Variants in PPP1CB observed in about 807,000 individuals in gnomAD.
PPP1CB encodes protein phosphatase 1 catalytic subunit beta.
A neutral mutation model predicts 43.7 loss-of-function variants in PPP1CB; 2 were observed. The ratio of observed to expected loss-of-function variants is 0.05; its 90% CI spans 0.02 to 0.14. The LOEUF (loss-of-function observed/expected upper bound fraction) is 0.14. PPP1CB is among the 10% of genes least tolerant of loss of function. The pLI is 1.00. For synonymous variants in PPP1CB, 136 were observed against 135.6 expected, an observed-to-expected ratio of 1.00 and a Z score of -0.02; for missense variants, 84 against 398.0, an observed-to-expected ratio of 0.21 and a Z score of 6.71.
At chr2:28,781,349 AAAC>A (rs1667154840) in intron 3 of PPP1CB, among the ~76,000 whole-genome samples, 1 of 152,166 alleles carries the variant, frequency 6.6e-6, no homozygotes, top group African/African-American at 2.4e-5. Context: ...TTTTGGGAGA[AAAC>A]AACACTTAAA....
chr2:28,766,814 G>C (rs998180704), intron 1 of PPP1CB, among the ~76,000 whole-genome samples: 1 of 152,174 alleles, frequency 6.6e-6, no homozygotes, highest in African/African-American at 2.4e-5. Context: ...TGGGGTGGTG[G>C]CTCACGCCTG....
At position 28,802,288 on chromosome 2, in the gene PPP1CB, A is replaced by G. The variant is rs1667635597; in HGVS notation, c.*2985A>G. On this transcript the variant is annotated 3_prime_UTR_variant, in exon 8 of 8. Coordinates refer to ENST00000395366, the MANE Select transcript of PPP1CB (RefSeq NM_002709.3). ...GTATATTCTTTTTGTCTCCATGGCA[A>G]CCATAACTTTTGAACCAAAAAAAAT... 1 of 152,256 alleles carries G rather than the reference A, an allele frequency of 6.6e-6. No individual in the cohort carries two copies. Among genetic ancestry groups the G allele is most frequent in the African/African-American group, 2.4e-5 (1 of 41,474 alleles). The allele number at this position is 152,256 out of a possible 1,614,324, so 9.4% of individuals were successfully genotyped here. A position where few individuals can be genotyped will look rare whatever the true frequency, so the allele number is the denominator to read the frequency against.
chr2:28,784,711 G>A (rs1667222926), intron 5 of PPP1CB, among the ~76,000 whole-genome samples: 1 of 151,878 alleles, frequency 6.6e-6, no homozygotes, highest in South Asian at 2.1e-4. Context: ...TTGAGGTCGG[G>A]AGTTCCAGAC....
intron 6 of PPP1CB, among the ~76,000 whole-genome samples, chr2:28,791,084 A>C (rs1396309538): frequency 6.6e-6 from 1 of 152,178 alleles, no homozygotes; most frequent in African/African-American, 2.4e-5. Context: ...TAAATTAATA[A>C]AAGCGTATTT....
intron 1 of PPP1CB, among the ~76,000 whole-genome samples, chr2:28,754,956 C>T (rs918682154): frequency 1.3e-5 from 2 of 152,146 alleles, no homozygotes; most frequent in African/African-American, 4.8e-5. Flanking sequence ...TGTATTAAAT[C>T]GCAGATCAGC....
At chr2:28,791,582 C>A (rs1667386346) in intron 6 of PPP1CB, among the ~76,000 whole-genome samples, 4 of 152,164 alleles carry the variant, frequency 2.6e-5, no homozygotes, top group Admixed American at 2.6e-4. Flanking sequence ...CCCGCCTCGG[C>A]CTCCCAAAGT....
chr2:28,771,992 A>G (rs1323417084), intron 1 of PPP1CB, among the ~76,000 whole-genome samples: 1 of 149,816 alleles, frequency 6.7e-6, no homozygotes, highest in African/African-American at 2.5e-5. Context: ...AAAAAAAAAG[A>G]TAACCTAAAG....
At chr2:28,784,903 G>A (rs1667227507) in intron 5 of PPP1CB, among the ~76,000 whole-genome samples, 1 of 111,948 alleles carries the variant, frequency 8.9e-6, no homozygotes, top group Admixed American at 1.1e-4. Context: ...CTGGGTGACA[G>A]AGTGAAACTG....
intron 1 of PPP1CB, among the ~76,000 whole-genome samples, chr2:28,768,888 G>A (rs886520969): frequency 6.6e-6 from 1 of 152,070 alleles, no homozygotes; most frequent in African/African-American, 2.4e-5. Flanking sequence ...CTGATAGACA[G>A]TGGAAAGGTC....
chr2:28,755,369 G>T (rs1018777563), intron 1 of PPP1CB, among the ~76,000 whole-genome samples: 1 of 152,190 alleles, frequency 6.6e-6, no homozygotes, highest in East Asian at 1.9e-4. Flanking sequence ...GAGTCCTTTA[G>T]GTCATTTTAA....
intron 1 of PPP1CB, among the ~76,000 whole-genome samples, chr2:28,757,847 A>G (rs988412320): frequency 1.3e-5 from 2 of 151,996 alleles, no homozygotes; most frequent in African/African-American, 2.4e-5. Context: ...TTTTCTGGTA[A>G]ATATCTAAAT....
intron 5 of PPP1CB, among the ~76,000 whole-genome samples, chr2:28,785,616 G>A (rs1667250365): frequency 6.6e-6 from 1 of 151,896 alleles, no homozygotes; most frequent in South Asian, 2.1e-4. Context: ...GTCGAGACCA[G>A]CCTGGGCAAC....
At chr2:28,787,607 T>G (rs1667298991) in intron 5 of PPP1CB, among the ~76,000 whole-genome samples, 1 of 152,198 alleles carries the variant, frequency 6.6e-6, no homozygotes, top group Non-Finnish European at 1.5e-5. Flanking sequence ...TGCATTGAGG[T>G]CTGATGATTT....
At chr2:28,778,285 A>T in intron 2 of PPP1CB, 1 of 458,524 alleles carries the variant, frequency 2.2e-6, no homozygotes, top group Non-Finnish European at 4.5e-6. Context: ...TTGTATAATA[A>T]ATCATTCCAA....
intron 1 of PPP1CB, among the ~76,000 whole-genome samples, chr2:28,774,633 C>T (rs1003281816): frequency 2.0e-5 from 3 of 152,142 alleles, no homozygotes; most frequent in Non-Finnish European, 4.4e-5. Context: ...ACCACGTTGG[C>T]TAGGCTGGTC....
At chr2:28,793,825 C>T (rs765535212) in intron 6 of PPP1CB, 38 bp from the exon 7 acceptor site, 22 of 1,610,892 alleles carry the variant, frequency 1.4e-5, no homozygotes, top group Admixed American at 1.0e-4. Flanking sequence ...GAATTACCCA[C>T]CAATAAATGT....
chr2:28,764,552 T>C (rs946805349), intron 1 of PPP1CB, among the ~76,000 whole-genome samples: 16 of 152,100 alleles, frequency 1.1e-4, no homozygotes, highest in African/African-American at 3.4e-4. Flanking sequence ...GCTTTTGTGC[T>C]AAATATGGAG....
chr2:28,786,629 G>A (rs886088023), intron 5 of PPP1CB, among the ~76,000 whole-genome samples: 7 of 151,368 alleles, frequency 4.6e-5, no homozygotes, highest in East Asian at 2.0e-4. Flanking sequence ...CTAAAAATTC[G>A]CTGGGTGTGG....
At chr2:28,761,568 T>C (rs1272354940) in intron 1 of PPP1CB, among the ~76,000 whole-genome samples, 1 of 152,220 alleles carries the variant, frequency 6.6e-6, no homozygotes, top group Admixed American at 6.5e-5. Context: ...GAGAGCTCTT[T>C]GTGCCACTGA....
Sources: allele counts gnomAD v4.1 joint callset (sites outside exome capture counted in the v4.1 genomes callset), GRCh38; gene constraint gnomAD v4.1.1; transcripts MANE v1.5; gene names NCBI Gene and HGNC (gene_info 2026-07-23, HGNC 2026-07-21).